Variants in SFMBT1 observed in about 807,000 individuals in gnomAD.
SFMBT1 encodes the protein scm-like with four MBT domains protein 1.
A neutral mutation model predicts 108.7 loss-of-function variants in SFMBT1; 32 were observed. The ratio of observed to expected loss-of-function variants is 0.29; its 90% CI spans 0.22 to 0.40. The LOEUF (loss-of-function observed/expected upper bound fraction) is 0.40, where lower values mean the gene tolerates loss of function less well. SFMBT1 is among the 10% of genes least tolerant of loss of function. The pLI is 1.00. For missense variants in SFMBT1, 816 were observed against 1,059.6 expected (o/e 0.77, Z 3.19); for synonymous variants, 348 against 369.5 (o/e 0.94, Z 0.67).
chr3:53,038,837 G>C (rs942242857), intron 1 of SFMBT1, among the ~76,000 whole-genome samples: 3 of 152,154 alleles, frequency 2.0e-5, no homozygotes, highest in African/African-American at 7.2e-5. Flanking sequence ...CAACTAACCA[G>C]AACAGCTGGG....
At chr3:52,968,962 G>T in intron 2 of SFMBT1, 139 bp downstream of exon 2, 1 of 903,494 alleles carries the variant, frequency 1.1e-6, no homozygotes, top group Non-Finnish European at 1.7e-6. Flanking sequence ...TTCTCTGAGA[G>T]GTACAGAAGA....
intron 13 of SFMBT1, 60 bp from the exon 14 acceptor site, chr3:52,916,274 G>A (rs1702352581): frequency 2.0e-6 from 3 of 1,479,558 alleles, no homozygotes; most frequent in Non-Finnish European, 2.8e-6. Context: ...AAAGTGTGAG[G>A]CTTAGTTTCC....
intron 5 of SFMBT1, among the ~76,000 whole-genome samples, chr3:52,934,430 CAAAAA>C (rs34039062): frequency 2.6e-5 from 3 of 114,298 alleles, no homozygotes; most frequent in Admixed American, 9.2e-5. Context: ...GTGTTCCAAG[CAAAAA>C]AAAAAAAAAA....
chr3:52,958,330 C>T (rs1703848990), intron 2 of SFMBT1, among the ~76,000 whole-genome samples: 2 of 152,206 alleles, frequency 1.3e-5, no homozygotes, highest in Admixed American at 6.5e-5. Flanking sequence ...GTGGCTCATG[C>T]CTGTAATCCC....
chr3:52,984,341 G>A (rs1415390446), intron 1 of SFMBT1, among the ~76,000 whole-genome samples: 1 of 151,504 alleles, frequency 6.6e-6, no homozygotes, highest in Non-Finnish European at 1.5e-5. Flanking sequence ...TTTCACCCAC[G>A]ATGCTTCATT....
chr3:52,966,922 A>G (rs990339517), intron 2 of SFMBT1, among the ~76,000 whole-genome samples: 15 of 67,112 alleles, frequency 2.2e-4, no homozygotes, highest in Non-Finnish European at 4.8e-4. Context: ...TCTATACTTC[A>G]CTTTAATAAA....
intron 5 of SFMBT1, among the ~76,000 whole-genome samples, chr3:52,933,660 G>A (rs1014206170): frequency 8.6e-5 from 13 of 151,994 alleles, no homozygotes; most frequent in African/African-American, 2.9e-4. Context: ...ATAAGGCCCT[G>A]GCTAAGCATA....
At chr3:52,949,504 T>C (rs1353932435) in intron 3 of SFMBT1, among the ~76,000 whole-genome samples, 2 of 151,582 alleles carry the variant, frequency 1.3e-5, no homozygotes, top group Admixed American at 6.6e-5. Context: ...GTTAGATGCA[T>C]ACATTTTAAG....
intron 1 of SFMBT1, among the ~76,000 whole-genome samples, chr3:52,986,430 A>G (rs1237162684): frequency 1.3e-5 from 2 of 152,124 alleles, no homozygotes; most frequent in East Asian, 3.8e-4. Context: ...ACTTTCTTGT[A>G]ATAACACATA....
At chr3:52,928,609 C>CATATATATACATATATATATAT in intron 8 of SFMBT1, 1 of 75,536 alleles carries the variant, frequency 1.3e-5, no homozygotes, top group African/African-American at 4.1e-5. Context: ...TACATATATA[C>CATATATATACATATATATATAT]ATATATATAC....
chr3:53,001,925 T>TCTCACA lies in SFMBT1; in HGVS notation c.-130-32668_-130-32667insTGTGAG, dbSNP rs1448849638. On this transcript the variant is annotated intron_variant, in intron 1 of 20. Transcript: ENST00000394752. ...GGGCAACAGAGCAAGACCCAGTCTC[T>TCTCACA]CACACACACACACACACACACACAC... is the stretch of plus-strand genomic sequence containing the variant. Among the ~76,000 whole-genome samples the TCTCACA allele has an allele frequency of 5.2e-3, 678 of 129,232 alleles. 29 individuals carry two copies. Among genetic ancestry groups the TCTCACA allele is most frequent in the East Asian group, 0.034 (150 of 4,446 alleles). 84.8% of individuals were successfully genotyped at this position (129,232 alleles called of 152,430 possible).
intron 4 of SFMBT1, among the ~76,000 whole-genome samples, chr3:52,935,266 T>C (rs1211117677): frequency 6.6e-6 from 1 of 152,220 alleles, no homozygotes; most frequent in Non-Finnish European, 1.5e-5. Context: ...TGTCACCTCA[T>C]GGCCAATCTG....
intron 4 of SFMBT1, among the ~76,000 whole-genome samples, chr3:52,939,111 A>G (rs1703107625): frequency 6.6e-6 from 1 of 152,212 alleles, no homozygotes; most frequent in East Asian, 1.9e-4. Context: ...TTCCTCTATA[A>G]GAAACTTGGT....
intron 2 of SFMBT1, among the ~76,000 whole-genome samples, chr3:52,967,586 A>C (rs1704189315): frequency 6.6e-6 from 1 of 152,242 alleles, no homozygotes; most frequent in African/African-American, 2.4e-5. Context: ...TATTTCAATA[A>C]AGTTTTTTGA....
intron 1 of SFMBT1, among the ~76,000 whole-genome samples, chr3:53,013,594 C>T (rs1699025294): frequency 7.3e-6 from 1 of 136,586 alleles, no homozygotes; most frequent in Non-Finnish European, 1.5e-5. Context: ...CAAGAAGGAA[C>T]ACAGTTTATT....
intron 18 of SFMBT1, 60 bp downstream of exon 18, chr3:52,907,495 T>C (rs1328447804): frequency 1.3e-6 from 2 of 1,558,432 alleles, no homozygotes; most frequent in East Asian, 2.2e-5. Context: ...TCTGTGTCCA[T>C]ACTATAAAGC....
chr3:53,031,039 A>C (rs185087344), intron 1 of SFMBT1, among the ~76,000 whole-genome samples: 23 of 152,308 alleles, frequency 1.5e-4, no homozygotes, highest in Admixed American at 1.2e-3. Flanking sequence ...GGGAGATGGC[A>C]GGCAAAGCCT....
chr3:53,010,951 A>C (rs1698921019), intron 1 of SFMBT1, among the ~76,000 whole-genome samples: 1 of 152,200 alleles, frequency 6.6e-6, no homozygotes, highest in Non-Finnish European at 1.5e-5. Context: ...ATGCTTCTTT[A>C]CCAGCCTGCT....
chr3:53,029,326 C>A, intron 1 of SFMBT1, among the ~76,000 whole-genome samples: 1 of 152,008 alleles, frequency 6.6e-6, no homozygotes, highest in Non-Finnish European at 1.5e-5. Context: ...TAAATATATT[C>A]TCTGAGGGGT....
Sources: allele counts gnomAD v4.1 joint callset (sites outside exome capture counted in the v4.1 genomes callset), GRCh38; gene constraint gnomAD v4.1.1; transcripts MANE v1.5; gene names NCBI Gene and HGNC (gene_info 2026-07-23, HGNC 2026-07-21).